The following FARS2 variants were observed in gnomAD, a reference collection of about 807,000 sequenced individuals.
FARS2 encodes the protein phenylalanyl-tRNA synthetase 2, mitochondrial, also known as phenylalanine--tRNA ligase, mitochondrial.
In FARS2, 40 loss-of-function variants were observed where a neutral mutation model predicts 46.4. The ratio of observed to expected loss-of-function variants is 0.86; its 90% CI spans 0.67 to 1.12. The LOEUF (loss-of-function observed/expected upper bound fraction) is 1.12. Ranked by LOEUF, FARS2 falls within the 50% of genes most tolerant of loss-of-function variation. The probability of loss-of-function intolerance (pLI) is 0.00; values close to 1 mark genes in which losing one functional copy is unlikely to be tolerated. For missense variants in FARS2, 513 were observed against 567.9 expected (o/e 0.90, Z 0.98); for synonymous variants, 234 against 214.9 (o/e 1.09, Z -0.78).
intron 6 of FARS2, chr6:5,667,901 G>T (rs116534719): frequency 1.3e-5 from 2 of 152,324 alleles, no homozygotes; most frequent in African/African-American, 4.8e-5. Flanking sequence ...GCTGGTGATC[G>T]ACTCTTAGAG....
intron 1 of FARS2, among the ~76,000 whole-genome samples, chr6:5,322,191 G>C (rs1454632633): frequency 6.6e-6 from 1 of 152,200 alleles, no homozygotes; most frequent in East Asian, 1.9e-4. Flanking sequence ...CAACCTAAAT[G>C]TCCAATAGGG....
chr6:5,655,320 T>C (rs1331859360), intron 6 of FARS2, among the ~76,000 whole-genome samples: 4 of 152,250 alleles, frequency 2.6e-5, no homozygotes, highest in African/African-American at 9.6e-5. Flanking sequence ...TGATTGATTT[T>C]TTTTTCATTC....
chr6:5,380,538 G>A (rs1284320933), intron 2 of FARS2, among the ~76,000 whole-genome samples: 1 of 152,122 alleles, frequency 6.6e-6, no homozygotes, highest in Non-Finnish European at 1.5e-5. Context: ...TTCACATTTC[G>A]AGCTTGGTAG....
intron 4 of FARS2, among the ~76,000 whole-genome samples, chr6:5,516,321 A>G (rs1454099592): frequency 6.6e-6 from 1 of 152,244 alleles, no homozygotes; most frequent in Non-Finnish European, 1.5e-5. Context: ...TATTCGTGTA[A>G]CAGTATGTTC....
chr6:5,716,823 G>A (rs1269286255), intron 6 of FARS2, among the ~76,000 whole-genome samples: 4 of 152,222 alleles, frequency 2.6e-5, no homozygotes, highest in Non-Finnish European at 5.9e-5. Context: ...GGGGGAGGGG[G>A]AATGGAGCTT....
intron 1 of FARS2, among the ~76,000 whole-genome samples, chr6:5,367,212 A>G (rs980118496): frequency 3.9e-5 from 6 of 152,212 alleles, no homozygotes; most frequent in African/African-American, 1.4e-4. Flanking sequence ...TTGGAACAAT[A>G]TAATTCTTTG....
intron 5 of FARS2, chr6:5,609,491 A>T: frequency 2.4e-6 from 3 of 1,224,534 alleles, no homozygotes; most frequent in Non-Finnish European, 2.4e-6. Flanking sequence ...ATCCACCACC[A>T]TCATGGCTGC....
intron 6 of FARS2, among the ~76,000 whole-genome samples, chr6:5,704,844 G>A (rs1758646750): frequency 6.6e-6 from 1 of 152,174 alleles, no homozygotes. Context: ...CTGGCCTTTG[G>A]TAGTTGTCTG....
At chr6:5,513,351 CTCAG>C (rs1177294663) in intron 4 of FARS2, among the ~76,000 whole-genome samples, 2 of 152,262 alleles carry the variant, frequency 1.3e-5, no homozygotes, top group East Asian at 3.9e-4. Context: ...GTAGGAGGGA[CTCAG>C]TCAATGTTTT....
chr6:5,352,443 C>T (rs1343922916), intron 1 of FARS2, among the ~76,000 whole-genome samples: 2 of 151,888 alleles, frequency 1.3e-5, no homozygotes, highest in Admixed American at 1.3e-4. Flanking sequence ...TATGTCAGTG[C>T]CTCATGCTGG....
chr6:5,754,240 G>C (rs935877725), intron 6 of FARS2, among the ~76,000 whole-genome samples: 1 of 152,166 alleles, frequency 6.6e-6, no homozygotes, highest in Non-Finnish European at 1.5e-5. Context: ...ACTGAGAGTG[G>C]GTCCGTGTGC....
At chr6:5,610,614 G>C (rs535002890) in intron 5 of FARS2, among the ~76,000 whole-genome samples, 1 of 152,112 alleles carries the variant, frequency 6.6e-6, no homozygotes, top group African/African-American at 2.4e-5. Context: ...AGCTGTGGGG[G>C]CCCTGGAATC....
At chr6:5,260,284 A>G (rs553509684), upstream of FARS2, among the ~76,000 whole-genome samples, 1 of 152,360 alleles carries the variant, frequency 6.6e-6, no homozygotes, top group South Asian at 2.1e-4. Flanking sequence ...GCTCAAGGGA[A>G]GTTTTACATA....
chr6:5,388,738 T>C (rs1317973657), intron 2 of FARS2, among the ~76,000 whole-genome samples: 1 of 152,050 alleles, frequency 6.6e-6, no homozygotes, highest in Non-Finnish European at 1.5e-5. Flanking sequence ...AAGAGAGCAT[T>C]TGTATCATGT....
chr6:5,421,913 G>T (rs570176711), intron 3 of FARS2, among the ~76,000 whole-genome samples: 1 of 152,114 alleles, frequency 6.6e-6, no homozygotes, highest in Non-Finnish European at 1.5e-5. Flanking sequence ...ACCTCTTCCT[G>T]TTACCCAGTT....
chr6:5,260,863 C>G (rs947673444), upstream of FARS2: 3 of 1,481,292 alleles, frequency 2.0e-6, no homozygotes, highest in Admixed American at 4.5e-5. Context: ...GCCAGCGGGC[C>G]GGGCCTAAGC....
intron 1 of FARS2, among the ~76,000 whole-genome samples, chr6:5,278,966 G>A (rs939143235): frequency 2.0e-5 from 3 of 152,202 alleles, no homozygotes; most frequent in Non-Finnish European, 2.9e-5. Flanking sequence ...TGGCCCTACT[G>A]TCCATACTGT....
chr6:5,638,790 G>A (rs539197368), intron 6 of FARS2, among the ~76,000 whole-genome samples: 78 of 152,258 alleles, frequency 5.1e-4, no homozygotes, highest in African/African-American at 1.3e-3. Context: ...GTTTCCTCGC[G>A]CGAGAGAATC....
At chr6:5,270,826 A>T (rs988222205) in intron 1 of FARS2, among the ~76,000 whole-genome samples, 1 of 151,572 alleles carries the variant, frequency 6.6e-6, no homozygotes, top group Non-Finnish European at 1.5e-5. Flanking sequence ...TTTAGTACTC[A>T]CCTCTTTCCC....
Sources: gnomAD v4.1 joint callset for allele counts (sites outside exome capture counted in the v4.1 genomes callset) on GRCh38, gnomAD v4.1.1 for gene constraint, MANE v1.5 for transcripts, NCBI Gene and HGNC (gene_info 2026-07-23, HGNC 2026-07-21) for gene names.